The following ANK3 variants were observed in gnomAD, a reference collection of about 807,000 sequenced individuals.
ANK3 encodes ankyrin 3.
ANK3 carries 57 observed loss-of-function variants against 370.9 expected under a neutral mutation model. That is an observed-to-expected ratio of 0.15 (90% CI 0.12 to 0.19). ANK3 has a LOEUF of 0.19. Ranked by LOEUF, ANK3 falls within the 10% of genes least tolerant of loss-of-function variation. The pLI is 1.00. For missense variants in ANK3, 4,439 were observed against 5,302.1 expected (o/e 0.84, Z 5.06); for synonymous variants, 1,929 against 1,946.3 (o/e 0.99, Z 0.23).
rs58386273 is a variant in ANK3, at chr10:60,180,594, C to CAAAAAAAAAAAAAAAAAAAAAAAAAAAA, written c.2184+734_2184+735insTTTTTTTTTTTTTTTTTTTTTTTTTTTT. ...CTGGTAACAGAGTGAGACTCCGTCT[C>CAAAAAAAAAAAAAAAAAAAAAAAAAAAA]AAAAAAAAAAAAAAAAAAACCAAAA... On this transcript the variant is annotated intron_variant, in intron 18 of 43. Coordinates refer to ENST00000280772, the MANE Select transcript of ANK3 (RefSeq NM_020987.5). Among the ~76,000 whole-genome samples the CAAAAAAAAAAAAAAAAAAAAAAAAAAAA allele has an allele frequency of 3.2e-5, 2 of 63,426 alleles. 1 individual carries two copies. Among genetic ancestry groups the CAAAAAAAAAAAAAAAAAAAAAAAAAAAA allele is most frequent in the Non-Finnish European group, 5.5e-5 (2 of 36,448 alleles). The allele number at this position is 63,426 out of a possible 152,430, so 41.6% of individuals were successfully genotyped here.
In ANK3 at chr10:60,279,998, T is replaced by C. The variant is rs148670562; in HGVS notation, c.115-359A>G. Among the ~76,000 whole-genome samples, 462 of 152,330 alleles carry C rather than the reference T, an allele frequency of 3.0e-3. 2 individuals are homozygous for C. Among genetic ancestry groups the C allele is most frequent in the African/African-American group, 0.011 (439 of 41,576 alleles). ...CCACTATTTTCTTGTAGCAGAAATG[T>C]AACATCTATTCCTTTTATCCATATC... On this transcript the variant is annotated intron_variant, in intron 1 of 43. Transcript: ENST00000280772.
intron 1 of ANK3, among the ~76,000 whole-genome samples, chr10:60,284,721 T>C (rs2098219124): frequency 6.6e-6 from 1 of 151,982 alleles, no homozygotes; most frequent in South Asian, 2.1e-4. Context: ...TAACAGTGGA[T>C]CACCTGAAAA....
At chr10:60,543,864 T>C (rs938407384) in intron 2 of ANK3, among the ~76,000 whole-genome samples, 1 of 152,074 alleles carries the variant, frequency 6.6e-6, no homozygotes, top group Non-Finnish European at 1.5e-5. Context: ...AGTCAATCTG[T>C]CCAGACTCAA....
intron 23 of ANK3, chr10:60,146,046 A>G: frequency 6.6e-7 from 1 of 1,508,550 alleles, no homozygotes; most frequent in East Asian, 2.5e-5. Context: ...AATAAAATTA[A>G]CAAAATAAAA....
intron 2 of ANK3, among the ~76,000 whole-genome samples, chr10:60,496,528 G>A (rs145422555): frequency 7.2e-4 from 108 of 149,786 alleles, no homozygotes; most frequent in Non-Finnish European, 1.3e-3. Flanking sequence ...ATAACATTTC[G>A]TCTCTGGGGG....
At chr10:60,059,849 C>T (rs373049128) in intron 40 of ANK3, 81 of 1,614,100 alleles carry the variant, frequency 5.0e-5, no homozygotes, top group Admixed American at 3.2e-4. Flanking sequence ...CTATGTTCCC[C>T]TGGGAAGGCA....
chr10:60,487,361 C>T (rs1025102533), intron 2 of ANK3, among the ~76,000 whole-genome samples: 1 of 152,130 alleles, frequency 6.6e-6, no homozygotes, highest in African/African-American at 2.4e-5. Context: ...CTCAGGTAAC[C>T]ACGTTGGCCC....
intron 10 of ANK3, among the ~76,000 whole-genome samples, chr10:60,207,831 T>A (rs949477516): frequency 6.6e-6 from 1 of 152,190 alleles, no homozygotes. Flanking sequence ...ATAAAAACAT[T>A]AACAGTTTGG....
intron 1 of ANK3, among the ~76,000 whole-genome samples, chr10:60,631,657 G>A (rs1336775486): frequency 6.6e-6 from 1 of 151,830 alleles, no homozygotes; most frequent in Non-Finnish European, 1.5e-5. Context: ...AATTATACAC[G>A]GAAATTGTTA....
chr10:60,602,260 C>T (rs2078074526), intron 2 of ANK3, among the ~76,000 whole-genome samples: 1 of 152,168 alleles, frequency 6.6e-6, no homozygotes, highest in Non-Finnish European at 1.5e-5. Flanking sequence ...CTTACAGCCT[C>T]TTCAGATGAA....
intron 2 of ANK3, among the ~76,000 whole-genome samples, chr10:60,584,193 A>T (rs1444157193): frequency 1.3e-5 from 2 of 152,214 alleles, no homozygotes; most frequent in Non-Finnish European, 2.9e-5. Flanking sequence ...AGAGGTCCAT[A>T]GGCTGGACCA....
intron 2 of ANK3, among the ~76,000 whole-genome samples, chr10:60,525,145 C>A (rs1427760545): frequency 6.6e-6 from 1 of 151,952 alleles, no homozygotes; most frequent in Non-Finnish European, 1.5e-5. Flanking sequence ...AGTCTAAAAC[C>A]ACAACACAGT....
chr10:60,641,954 A>G (rs1357745194), intron 1 of ANK3, among the ~76,000 whole-genome samples: 37 of 147,374 alleles, frequency 2.5e-4, no homozygotes, highest in Non-Finnish European at 4.6e-4. Flanking sequence ...AAACAACCCC[A>G]TCAAAAAGTG....
intron 13 of ANK3, among the ~76,000 whole-genome samples, 161 bp from the exon 14 acceptor site, chr10:60,198,698 T>G (rs1393345162): frequency 6.6e-6 from 1 of 152,170 alleles, no homozygotes; most frequent in Non-Finnish European, 1.5e-5. Context: ...TGCTCAGAAA[T>G]GAGGAGATGG....
chr10:60,669,870 T>G (rs1362410774), intron 1 of ANK3, among the ~76,000 whole-genome samples: 1 of 152,208 alleles, frequency 6.6e-6, no homozygotes, highest in Non-Finnish European at 1.5e-5. Flanking sequence ...TCACCCAGGC[T>G]GGAGTGCAGT....
chr10:60,093,402 CT>C (rs1239215742), intron 28 of ANK3, among the ~76,000 whole-genome samples: 1 of 152,174 alleles, frequency 6.6e-6, no homozygotes, highest in African/African-American at 2.4e-5. Context: ...AAATTACATC[CT>C]TCAAATGGGG....
intron 1 of ANK3, among the ~76,000 whole-genome samples, chr10:60,327,611 G>A (rs769945360): frequency 4.0e-4 from 61 of 152,208 alleles, no homozygotes; most frequent in Non-Finnish European, 1.6e-4. Context: ...TTTCTTGGAA[G>A]TAAAAGAGAG....
At chr10:60,170,665 C>T (rs1348130746) in intron 21 of ANK3, among the ~76,000 whole-genome samples, 1 of 152,132 alleles carries the variant, frequency 6.6e-6, no homozygotes, top group Non-Finnish European at 1.5e-5. Flanking sequence ...ACAAGGACAG[C>T]TGATGATGTT....
chr10:60,065,046 CA>C (rs1371433919), intron 38 of ANK3, among the ~76,000 whole-genome samples: 1 of 152,146 alleles, frequency 6.6e-6, no homozygotes, highest in East Asian at 1.9e-4. Context: ...CTTTTACTCA[CA>C]TAATATGCCA....
Sources: gnomAD v4.1 joint callset for allele counts (sites outside exome capture counted in the v4.1 genomes callset) on GRCh38, gnomAD v4.1.1 for gene constraint, MANE v1.5 for transcripts, NCBI Gene and HGNC (gene_info 2026-07-23, HGNC 2026-07-21) for gene names.